SLC12A3: variants seen among roughly 807,000 people sequenced by gnomAD.
SLC12A3 encodes solute carrier family 12 member 3, also known as Na-Cl cotransporter.
SLC12A3 carries 104 observed loss-of-function variants against 121.0 expected under a neutral mutation model. That is an observed-to-expected ratio of 0.86 (90% confidence interval 0.73 to 1.01). The LOEUF is 1.01. Among genes scored for constraint, SLC12A3 ranks in the 50% least tolerant of loss-of-function variants. The pLI is 0.00. For synonymous variants in SLC12A3, 536 were observed against 533.4 expected (o/e 1.00, Z -0.07); for missense variants, 1,328 against 1,356.3 (o/e 0.98, Z 0.33).
chr16:56,878,039 C>CCAA, intron 8 of SLC12A3, 38 bp from the exon 9 acceptor site: 2 of 525,884 alleles, frequency 3.8e-6, no homozygotes, highest in East Asian at 3.7e-5. Context: ...TCCCTCTCTC[C>CCAA]CTCCCTCCCT....
At chr16:56,899,122 AC>A (rs1442325985) in intron 22 of SLC12A3, among the ~76,000 whole-genome samples, 17 of 152,134 alleles carry the variant, frequency 1.1e-4, no homozygotes, top group African/African-American at 3.1e-4. Flanking sequence ...GTCTGCCGCT[AC>A]CCCCATGTTC....
chr16:56,870,171 C>CA lies in SLC12A3; in HGVS notation c.677_678insA (p.Asn227GlnfsTer32). 7 of 1,614,106 alleles carry CA rather than the reference C, an allele frequency of 4.3e-6. No homozygotes were observed. The highest frequency in any genetic ancestry group is 5.9e-6 in the Non-Finnish European group (7 of 1,180,044). On this transcript the variant is annotated frameshift_variant, in exon 5 of 26. Transcript: ENST00000563236. LOFTEE classifies it high-confidence loss of function. Reference sequence around the variant, plus strand: ...TCCATCGGCCTCATTTTCGCTTTCGCCAATGCCGTGGGTGTGGCCATGCAC... The same window carrying CA: ...TCCATCGGCCTCATTTTCGCTTTCGCACAATGCCGTGGGTGTGGCCATGCAC...
intron 8 of SLC12A3, among the ~76,000 whole-genome samples, chr16:56,873,391 T>G (rs1265091103): frequency 7.5e-6 from 1 of 133,270 alleles, no homozygotes; most frequent in African/African-American, 2.9e-5. Context: ...TTTTTTTTTT[T>G]TTTTTTTTTT....
intron 6 of SLC12A3, among the ~76,000 whole-genome samples, chr16:56,871,711 CTTTA>C (rs111753122): frequency 0.01 from 1,560 of 152,094 alleles, 16 homozygotes; most frequent in Non-Finnish European, 0.014. Context: ...ACTCCCTCTT[CTTTA>C]TTTATTTATT....
chr16:56,912,923 T>C (rs1278693426), intron 25 of SLC12A3, among the ~76,000 whole-genome samples: 1 of 151,634 alleles, frequency 6.6e-6, no homozygotes, highest in Admixed American at 6.6e-5. Flanking sequence ...AGTGCAAAGG[T>C]TGGAGGCAGG....
intron 25 of SLC12A3, chr16:56,906,730 G>A: frequency 1.6e-6 from 1 of 642,720 alleles, no homozygotes; most frequent in Non-Finnish European, 2.6e-6. Flanking sequence ...AATTTTGGTG[G>A]TGGCAAGACA....
At chr16:56,898,804 C>A (rs1262912486) in intron 22 of SLC12A3, among the ~76,000 whole-genome samples, 2 of 152,244 alleles carry the variant, frequency 1.3e-5, no homozygotes, top group African/African-American at 4.8e-5. Flanking sequence ...TTCGCTTCCT[C>A]AGCCGCTCTA....
chr16:56,879,347 A>C, intron 10 of SLC12A3, 120 bp downstream of exon 10: 2 of 1,354,612 alleles, frequency 1.5e-6, no homozygotes, highest in Non-Finnish European at 2.1e-6. Context: ...GCCTAGGCTT[A>C]GGAGAGAGGG....
Position 56,884,122 on chromosome 16 carries a change from G to A in SLC12A3, c.1743G>A (p.Met581Ile). The change falls in exon 14 of 26, where the codon ATG becomes ATA. Residue 581 changes from methionine (M) to isoleucine (I), a missense_variant. Met to Ile is a conservative substitution (Grantham distance 10). Coordinates refer to ENST00000563236, the MANE Select transcript of SLC12A3 (RefSeq NM_001126108.2). ...LFGAIISVVI[M>I]FLLTWWAALI... ...GGGCTATCATCTCCGTGGTCATCATGTTCCTCCTCACCTGGTGGGCGGCCC... is the reference window on the plus strand; with the variant it reads ...GGGCTATCATCTCCGTGGTCATCATATTCCTCCTCACCTGGTGGGCGGCCC... 6.2e-7 allele frequency: 1 copy of A among 1,614,220 alleles called. No individual in the cohort carries two copies. The highest frequency in any genetic ancestry group is 8.5e-7 in the Non-Finnish European group (1 of 1,180,016).
At chr16:56,869,670 G>C in intron 3 of SLC12A3, 59 bp from the exon 4 acceptor site, 1 of 1,405,368 alleles carries the variant, frequency 7.1e-7, no homozygotes, top group Non-Finnish European at 1.0e-6. Context: ...GAATGAGTAG[G>C]CAAACTGGGG....
intron 18 of SLC12A3, 46 bp from the exon 19 acceptor site, chr16:56,890,228 A>T: frequency 6.7e-7 from 1 of 1,493,404 alleles, no homozygotes; most frequent in Non-Finnish European, 9.3e-7. Flanking sequence ...TCACCTCCCC[A>T]GTGGGAGCTG....
At chr16:56,878,507 C>T (rs1183261495) in intron 9 of SLC12A3, among the ~76,000 whole-genome samples, 1 of 152,120 alleles carries the variant, frequency 6.6e-6, no homozygotes, top group Non-Finnish European at 1.5e-5. Context: ...CAGTAACTGA[C>T]TTCCCATGTG....
chr16:56,877,255 T>C (rs1399785419), intron 8 of SLC12A3, among the ~76,000 whole-genome samples: 1 of 151,696 alleles, frequency 6.6e-6, no homozygotes, highest in East Asian at 2.0e-4. Flanking sequence ...AGGGCGCCTA[T>C]AGTGGTGGTA....
At chr16:56,883,206 A>G (rs189576472) in intron 13 of SLC12A3, among the ~76,000 whole-genome samples, 1 of 151,938 alleles carries the variant, frequency 6.6e-6, no homozygotes, top group East Asian at 1.9e-4. Context: ...CATAGATTTC[A>G]TATATTTGCA....
chr16:56,894,698 C>G, intron 22 of SLC12A3, 56 bp downstream of exon 22: 1 of 1,330,556 alleles, frequency 7.5e-7, no homozygotes, highest in Non-Finnish European at 1.1e-6. Context: ...CATCTTAGCT[C>G]CACCCAAGGC....
intron 25 of SLC12A3, 78 bp from the exon 26 acceptor site, chr16:56,913,186 C>T (rs896345989): frequency 6.3e-6 from 10 of 1,598,412 alleles, no homozygotes; most frequent in Non-Finnish European, 6.9e-6. Context: ...ACTCGCTGTT[C>T]TGAAAACAAA....
At chr16:56,912,933 G>A (rs1343670571) in intron 25 of SLC12A3, among the ~76,000 whole-genome samples, 2 of 152,182 alleles carry the variant, frequency 1.3e-5, no homozygotes, top group Admixed American at 1.3e-4. Context: ...TTGGAGGCAG[G>A]AGTGAGCTTG....
intron 5 of SLC12A3, 65 bp downstream of exon 5, chr16:56,870,300 C>A: frequency 6.5e-7 from 1 of 1,550,242 alleles, no homozygotes; most frequent in Non-Finnish European, 8.7e-7. Context: ...CTCCTCCGCC[C>A]CATCTGGGCT....
At chr16:56,905,848 C>T (rs1239274253) in intron 25 of SLC12A3, among the ~76,000 whole-genome samples, 4 of 152,134 alleles carry the variant, frequency 2.6e-5, no homozygotes, top group African/African-American at 7.2e-5. Flanking sequence ...CAGATGATGA[C>T]GTGGGCATGA....
Sources: allele counts gnomAD v4.1 joint callset (sites outside exome capture counted in the v4.1 genomes callset), GRCh38; gene constraint gnomAD v4.1.1; transcripts MANE v1.5; gene names NCBI Gene and HGNC (gene_info 2026-07-23, HGNC 2026-07-21).